DPYS: variants seen among roughly 807,000 people sequenced by gnomAD.
DPYS encodes dihydropyrimidinase.
DPYS carries 39 observed loss-of-function variants against 50.3 expected under a neutral mutation model. The observed-to-expected ratio is 0.78, with a 90% CI of 0.60 to 1.01. The LOEUF (loss-of-function observed/expected upper bound fraction) is 1.01. Among genes scored for constraint, DPYS ranks in the 50% least tolerant of loss-of-function variants. The probability of loss-of-function intolerance (pLI) is 0.00; values close to 1 mark genes in which losing one functional copy is unlikely to be tolerated. For missense variants in DPYS, 659 were observed against 680.9 expected (o/e 0.97, Z 0.36); for synonymous variants, 245 against 250.7 (o/e 0.98, Z 0.22).
At chr8:104,398,136 C>T (rs745923628) in intron 7 of DPYS, among the ~76,000 whole-genome samples, 13 of 152,250 alleles carry the variant, frequency 8.5e-5, no homozygotes, top group Non-Finnish European at 1.6e-4. Context: ...TCTTCCCAGA[C>T]TTCTTTGCAG....
chr8:104,438,157 C>T (rs1432448769), intron 4 of DPYS, among the ~76,000 whole-genome samples: 1 of 152,156 alleles, frequency 6.6e-6, no homozygotes, highest in Non-Finnish European at 1.5e-5. Context: ...GTATATCCAA[C>T]CTCATTATCC....
intron 4 of DPYS, among the ~76,000 whole-genome samples, chr8:104,434,858 G>C (rs1247508944): frequency 6.6e-6 from 1 of 152,150 alleles, no homozygotes; most frequent in African/African-American, 2.4e-5. Context: ...ATTTAAAATA[G>C]ACGTAAACTT....
intron 4 of DPYS, among the ~76,000 whole-genome samples, 174 bp from the exon 5 acceptor site, chr8:104,429,875 A>G (rs1812893583): frequency 6.6e-6 from 1 of 152,250 alleles, no homozygotes; most frequent in Non-Finnish European, 1.5e-5. Flanking sequence ...CATGATGAAC[A>G]TAAATATGAA....
intron 7 of DPYS, among the ~76,000 whole-genome samples, chr8:104,409,995 T>C (rs1279591296): frequency 6.6e-6 from 1 of 152,188 alleles, no homozygotes; most frequent in East Asian, 1.9e-4. Flanking sequence ...ACTTGGGGTG[T>C]TCCTTATCTG....
chr8:104,416,014 TA>T (rs1463978684), intron 7 of DPYS, among the ~76,000 whole-genome samples: 1 of 152,136 alleles, frequency 6.6e-6, no homozygotes. Flanking sequence ...GATGCTACCT[TA>T]AAACTCACAA....
At chr8:104,436,740 A>C (rs1813163633) in intron 4 of DPYS, among the ~76,000 whole-genome samples, 1 of 152,166 alleles carries the variant, frequency 6.6e-6, no homozygotes, top group African/African-American at 2.4e-5. Flanking sequence ...CATGCCTGTA[A>C]TCCCAATACT....
intron 7 of DPYS, among the ~76,000 whole-genome samples, chr8:104,417,801 G>A (rs1812416362): frequency 6.6e-6 from 1 of 152,178 alleles, no homozygotes; most frequent in African/African-American, 2.4e-5. Context: ...GGCTAGTGAC[G>A]TCTTAGGTAA....
intron 2 of DPYS, among the ~76,000 whole-genome samples, chr8:104,449,516 G>A (rs1219468622): frequency 6.6e-6 from 1 of 152,224 alleles, no homozygotes; most frequent in Non-Finnish European, 1.5e-5. Context: ...CTAACCTACT[G>A]CTATGGGTTG....
At chr8:104,408,596 C>A (rs1812072307) in intron 7 of DPYS, among the ~76,000 whole-genome samples, 1 of 152,052 alleles carries the variant, frequency 6.6e-6, no homozygotes. Context: ...GTAATCCATT[C>A]AACGGAAAAA....
intron 7 of DPYS, among the ~76,000 whole-genome samples, chr8:104,398,239 AC>A (rs1313360745): frequency 1.3e-5 from 2 of 152,234 alleles, no homozygotes. Context: ...AGCAGCTACC[AC>A]AGGAATCCAT....
At chr8:104,417,951 C>T (rs1812420598) in intron 7 of DPYS, among the ~76,000 whole-genome samples, 1 of 152,346 alleles carries the variant, frequency 6.6e-6, no homozygotes, top group East Asian at 1.9e-4. Flanking sequence ...AGCATGGCTG[C>T]CCTGCTTTTC....
At chr8:104,424,774 T>C (rs987094310) in intron 6 of DPYS, among the ~76,000 whole-genome samples, 4 of 152,060 alleles carry the variant, frequency 2.6e-5, no homozygotes, top group Non-Finnish European at 5.9e-5. Flanking sequence ...ATTTATGAGA[T>C]AATCATGTAG....
chr8:104,430,339 T>A (rs912632672), intron 4 of DPYS, among the ~76,000 whole-genome samples: 5 of 150,228 alleles, frequency 3.3e-5, no homozygotes, highest in African/African-American at 7.4e-5. Context: ...ATGCGTATTT[T>A]AAAAATCATG....
At chr8:104,416,542 G>C (rs978224808) in intron 7 of DPYS, among the ~76,000 whole-genome samples, 2 of 152,090 alleles carry the variant, frequency 1.3e-5, no homozygotes, top group African/African-American at 4.8e-5. Flanking sequence ...GTGGGTGTGG[G>C]GAGTGGCGGG....
At chr8:104,461,894 G>A (rs1814186225) in intron 1 of DPYS, among the ~76,000 whole-genome samples, 1 of 152,112 alleles carries the variant, frequency 6.6e-6, no homozygotes, top group South Asian at 2.1e-4. Context: ...AAACAAGGCT[G>A]ACTCCAATCA....
intron 3 of DPYS, 142 bp from the exon 4 acceptor site, chr8:104,444,579 T>C: frequency 1.3e-6 from 1 of 766,524 alleles, no homozygotes; most frequent in Non-Finnish European, 2.1e-6. Flanking sequence ...TGTGTGTGTA[T>C]ATGAACATAT....
At chr8:104,391,654 T>A (rs67524593) in intron 8 of DPYS, among the ~76,000 whole-genome samples, 10,164 of 152,180 alleles carry the variant, frequency 0.067, 536 homozygotes, top group African/African-American at 0.15. Context: ...ATAACAGGGG[T>A]CTTTGATAGA....
intron 8 of DPYS, among the ~76,000 whole-genome samples, chr8:104,392,007 G>A (rs1811404043): frequency 6.6e-6 from 1 of 152,192 alleles, no homozygotes; most frequent in African/African-American, 2.4e-5. Context: ...TTGAGCCCAA[G>A]GAGGATCGAG....
At chr8:104,386,614 T>C (rs1476698280) in intron 8 of DPYS, among the ~76,000 whole-genome samples, 2 of 151,562 alleles carry the variant, frequency 1.3e-5, no homozygotes, top group Admixed American at 6.6e-5. Context: ...TTTTCTTTTT[T>C]TTTTTCTTTT....
Sources: gnomAD v4.1 joint callset for allele counts (sites outside exome capture counted in the v4.1 genomes callset) on GRCh38, gnomAD v4.1.1 for gene constraint, MANE v1.5 for transcripts, NCBI Gene and HGNC (gene_info 2026-07-23, HGNC 2026-07-21) for gene names.